The following FERMT2 variants were observed in gnomAD, a reference collection of about 807,000 sequenced individuals.
FERMT2 encodes the protein FERM domain containing kindlin 2.
In FERMT2, 15 loss-of-function variants were observed where a neutral mutation model predicts 82.7. The ratio of observed to expected loss-of-function variants is 0.18; its 90% CI spans 0.12 to 0.28. The LOEUF (loss-of-function observed/expected upper bound fraction) is 0.28. FERMT2 is among the 10% of genes least tolerant of loss of function. FERMT2 has a pLI of 1.00. For missense variants in FERMT2, 645 were observed against 809.4 expected (o/e 0.80, Z 2.46); for synonymous variants, 274 against 271.5 (o/e 1.01, Z -0.09).
chr14:52,909,193 C>T (rs1044660988), intron 3 of FERMT2, among the ~76,000 whole-genome samples: 25 of 152,198 alleles, frequency 1.6e-4, no homozygotes, highest in African/African-American at 6.0e-4. Context: ...CCTAACCTTA[C>T]TAAAATGCTC....
At chr14:52,892,159 G>GGTTTTTTTTTTTTTTTTT (rs1555368978) in intron 4 of FERMT2, among the ~76,000 whole-genome samples, 2 of 78,828 alleles carry the variant, frequency 2.5e-5, no homozygotes, top group African/African-American at 7.8e-5. Flanking sequence ...AGAGAAGGCT[G>GGTTTTTTTTTTTTTTTTT]TTTTTTGTTT....
chr14:52,928,216 G>C (rs560082682), intron 2 of FERMT2: 7 of 228,058 alleles, frequency 3.1e-5, no homozygotes, highest in Non-Finnish European at 4.8e-5. Flanking sequence ...GTTTACATTA[G>C]ATAATCTTTG....
chr14:52,895,564 G>A (rs1432827166), intron 3 of FERMT2, among the ~76,000 whole-genome samples: 2 of 152,104 alleles, frequency 1.3e-5, no homozygotes, highest in African/African-American at 4.8e-5. Flanking sequence ...TATATTAAGT[G>A]GAAGATAAAT....
At chr14:52,932,067 A>G (rs1333223552) in intron 2 of FERMT2, among the ~76,000 whole-genome samples, 2 of 152,240 alleles carry the variant, frequency 1.3e-5, no homozygotes, top group Non-Finnish European at 2.9e-5. Flanking sequence ...GGTAAATACT[A>G]TTATAATCTC....
intron 4 of FERMT2, among the ~76,000 whole-genome samples, chr14:52,889,709 T>C (rs1291870263): frequency 6.6e-6 from 1 of 152,204 alleles, no homozygotes; most frequent in Admixed American, 6.5e-5. Context: ...ACGGATGGTA[T>C]AGTCTATTGC....
chr14:52,933,286 T>C (rs986991177), intron 2 of FERMT2, among the ~76,000 whole-genome samples: 1 of 152,210 alleles, frequency 6.6e-6, no homozygotes, highest in African/African-American at 2.4e-5. Context: ...CTTCCTTTCC[T>C]TTTACATTGC....
intron 2 of FERMT2, among the ~76,000 whole-genome samples, chr14:52,945,905 T>C (rs1050008866): frequency 3.3e-5 from 5 of 152,184 alleles, no homozygotes; most frequent in Admixed American, 3.3e-4. Context: ...ATCCACTTGG[T>C]ATTTAGCGTC....
intron 3 of FERMT2, among the ~76,000 whole-genome samples, chr14:52,899,146 AT>A (rs1246304655): frequency 6.6e-6 from 1 of 152,182 alleles, no homozygotes; most frequent in African/African-American, 2.4e-5. Flanking sequence ...AGATGGGCCC[AT>A]GAGAATTGCT....
intron 10 of FERMT2, among the ~76,000 whole-genome samples, chr14:52,871,099 G>A (rs181860477): frequency 3.3e-5 from 5 of 152,182 alleles, no homozygotes; most frequent in African/African-American, 1.2e-4. Flanking sequence ...TGGGAAACCA[G>A]GAGACTATGG....
At chr14:52,880,708 C>T (rs1233202588) in intron 6 of FERMT2, among the ~76,000 whole-genome samples, 1 of 151,922 alleles carries the variant, frequency 6.6e-6, no homozygotes, top group Admixed American at 6.6e-5. Flanking sequence ...TAAACTTTGC[C>T]AGTTCTATAG....
chr14:52,933,579 A>C (rs149103252), intron 2 of FERMT2, among the ~76,000 whole-genome samples: 1,973 of 151,794 alleles, frequency 0.013, 67 homozygotes, highest in East Asian at 0.1. Flanking sequence ...GCATGGTGGC[A>C]CATGCCTGTA....
chr14:52,877,574 C>CTTTTTTTTTTTTTTTTTT lies in FERMT2; in HGVS notation c.963+990_963+1007dup, dbSNP rs34676786. On this transcript the variant is annotated intron_variant, in intron 7 of 14. Coordinates refer to ENST00000341590, the MANE Select transcript of FERMT2 (RefSeq NM_006832.3). The stretch of plus-strand genomic sequence containing the variant: ...CTAAGGTGAAAATTAGCTGTTCTTG[C>CTTTTTTTTTTTTTTTTTT]TTTTTTTTTTTTTTTTTTTTTTTTG... 6.0e-5 allele frequency among the ~76,000 whole-genome samples: 4 copies of CTTTTTTTTTTTTTTTTTT among 67,060 alleles called. 1 individual carries two copies. Among genetic ancestry groups the CTTTTTTTTTTTTTTTTTT allele is most frequent in the Non-Finnish European group, 7.5e-5 (3 of 39,956 alleles). The allele number at this position is 67,060 out of a possible 152,430, so 44.0% of individuals were successfully genotyped here.
intron 3 of FERMT2, among the ~76,000 whole-genome samples, chr14:52,912,822 T>C (rs1186110642): frequency 6.6e-6 from 1 of 152,222 alleles, no homozygotes; most frequent in African/African-American, 2.4e-5. Flanking sequence ...AGATCATTAC[T>C]TTCCATTCGA....
chr14:52,906,941 A>C (rs1888042830), intron 3 of FERMT2, among the ~76,000 whole-genome samples: 1 of 57,538 alleles, frequency 1.7e-5, no homozygotes, highest in Non-Finnish European at 3.3e-5. Flanking sequence ...AGGGACATCA[A>C]TTATTGGGGG....
In FERMT2 at chr14:52,950,895, GTCCCGGCGGGGTCCCGC is replaced by G. The variant is rs1890608400; in HGVS notation, c.-10+9_-10+25del. ...TCCCCTCCCCGCCGCGCCCCCTCGG[GTCCCGGCGGGGTCCCGC>G]TCCCTCACCGCGCGCTCCTAGCGCT... On this transcript the variant is annotated intron_variant, in intron 1 of 14. Coordinates refer to ENST00000341590, the MANE Select transcript of FERMT2 (RefSeq NM_006832.3). The G allele has an allele frequency of 5.1e-6, 1 of 195,216 alleles. No individual in the cohort carries two copies. Among genetic ancestry groups the G allele is most frequent in the African/African-American group, 2.3e-5 (1 of 42,826 alleles). The allele number at this position is 195,216 out of a possible 1,614,324, so 12.1% of individuals were successfully genotyped here. A position where few individuals can be genotyped will look rare whatever the true frequency, so the allele number is the denominator to read the frequency against.
intron 3 of FERMT2, among the ~76,000 whole-genome samples, chr14:52,912,270 G>A (rs1888361205): frequency 6.6e-6 from 1 of 152,066 alleles, no homozygotes. Context: ...TCATAATCAA[G>A]TGCCTTAGTT....
chr14:52,858,568 G>C lies in FERMT2; in HGVS notation c.1870-18C>G. ...ACGGTGACCTGGAACAAAGACAAGA[G>C]CCATCAGTGCTGTCCCAAATGCTAG... On this transcript the variant is annotated intron_variant, in intron 14 of 14. Coordinates refer to ENST00000341590, the MANE Select transcript of FERMT2 (RefSeq NM_006832.3). 6.2e-7 allele frequency: 1 copy of C among 1,612,838 alleles called. No individual in the cohort carries two copies. The highest frequency in any genetic ancestry group is 8.5e-7 in the Non-Finnish European group (1 of 1,179,202).
At chr14:52,893,832 GTT>G (rs58033043) in intron 3 of FERMT2, among the ~76,000 whole-genome samples, 27 of 139,086 alleles carry the variant, frequency 1.9e-4, no homozygotes, top group Admixed American at 2.8e-4. Flanking sequence ...TCCCAGTTTT[GTT>G]TTTTTTTTTT....
At chr14:52,933,414 C>T (rs1184696924) in intron 2 of FERMT2, among the ~76,000 whole-genome samples, 1 of 152,048 alleles carries the variant, frequency 6.6e-6, no homozygotes, top group Non-Finnish European at 1.5e-5. Flanking sequence ...CACTTAAAAA[C>T]TTTCCAAGTC....
Sources: allele counts gnomAD v4.1 joint callset (sites outside exome capture counted in the v4.1 genomes callset), GRCh38; gene constraint gnomAD v4.1.1; transcripts MANE v1.5; gene names NCBI Gene and HGNC (gene_info 2026-07-23, HGNC 2026-07-21).